LINGO2: variants seen among roughly 807,000 people sequenced by gnomAD.
LINGO2 encodes leucine rich repeat and Ig domain containing 2.
A neutral mutation model predicts 30.6 loss-of-function variants in LINGO2; 14 were observed. The observed-to-expected ratio is 0.46, with a 90% confidence interval of 0.30 to 0.72. The LOEUF is 0.72. LINGO2 is among the 30% of genes least tolerant of loss of function. The probability of loss-of-function intolerance (pLI) is 0.07; values close to 1 mark genes in which losing one functional copy is unlikely to be tolerated. For missense variants in LINGO2, 729 were observed against 751.7 expected (o/e 0.97, Z 0.35); for synonymous variants, 317 against 288.5 (o/e 1.10, Z -1.00).
chr9:29,069,437 A>C, the LINGO2 span, among the ~76,000 whole-genome samples: 1 of 143,530 alleles, frequency 7.0e-6, no homozygotes. Context: ...TATATAATGT[A>C]TCTAGGTCCA....
At chr9:27,979,836 A>G (rs1005375371) in intron 5 of LINGO2, among the ~76,000 whole-genome samples, 1 of 152,002 alleles carries the variant, frequency 6.6e-6, no homozygotes, top group African/African-American at 2.4e-5. Flanking sequence ...CACAGGAAAT[A>G]ATTAGTTCTT....
chr9:28,688,349 G>A, the LINGO2 span, among the ~76,000 whole-genome samples: 163 of 152,320 alleles, frequency 1.1e-3, no homozygotes, highest in Non-Finnish European at 2.0e-3. Flanking sequence ...AAGCTCAGAA[G>A]TTATCAAAAC....
At chr9:28,362,227 T>TGTGCGC (rs1820477186) in intron 3 of LINGO2, among the ~76,000 whole-genome samples, 1 of 152,002 alleles carries the variant, frequency 6.6e-6, no homozygotes, top group Non-Finnish European at 1.5e-5. Context: ...TGTGTGTGTG[T>TGTGCGC]GTGCGCATGC....
chr9:28,991,141 T>C, the LINGO2 span, among the ~76,000 whole-genome samples: 1 of 152,056 alleles, frequency 6.6e-6, no homozygotes, highest in Admixed American at 6.5e-5. Context: ...AATGTATAAC[T>C]AGAATAACCA....
chr9:29,179,787 T>C, the LINGO2 span, among the ~76,000 whole-genome samples: 4 of 152,184 alleles, frequency 2.6e-5, no homozygotes, highest in Non-Finnish European at 5.9e-5. Flanking sequence ...TTGCAGTATA[T>C]TTCCATGGTA....
intron 4 of LINGO2, among the ~76,000 whole-genome samples, chr9:28,159,354 C>G (rs991245137): frequency 1.3e-5 from 2 of 151,970 alleles, no homozygotes; most frequent in African/African-American, 4.8e-5. Context: ...GTAACTAGTT[C>G]TTTGTTTCAA....
At chr9:28,576,637 TA>T (rs1824006436) in intron 1 of LINGO2, among the ~76,000 whole-genome samples, 1 of 152,174 alleles carries the variant, frequency 6.6e-6, no homozygotes, top group Admixed American at 6.6e-5. Context: ...CCATAGTTTT[TA>T]GGATTTTTTT....
the LINGO2 span, among the ~76,000 whole-genome samples, chr9:28,826,679 A>G: frequency 6.6e-6 from 1 of 152,206 alleles, no homozygotes; most frequent in East Asian, 1.9e-4. Flanking sequence ...GTGGCAGGCT[A>G]AATGATAATC....
chr9:29,063,542 A>G, the LINGO2 span, among the ~76,000 whole-genome samples: 1 of 151,724 alleles, frequency 6.6e-6, no homozygotes, highest in South Asian at 2.1e-4. Context: ...GGGATTACAG[A>G]GGTCTGCCAC....
chr9:28,122,026 TTACA>T (rs142961199), intron 4 of LINGO2, among the ~76,000 whole-genome samples: 23,930 of 152,100 alleles, frequency 0.16, 2,107 homozygotes, highest in South Asian at 0.33. Flanking sequence ...ATGAATTGAC[TTACA>T]TGGAAAAATC....
the LINGO2 span, among the ~76,000 whole-genome samples, chr9:28,790,360 G>T: frequency 8.7e-6 from 1 of 115,504 alleles, no homozygotes; most frequent in Non-Finnish European, 1.6e-5. Context: ...ACGGAATCTC[G>T]CTCTGTGGCC....
the LINGO2 span, among the ~76,000 whole-genome samples, chr9:28,679,806 T>C: frequency 0.024 from 3,609 of 152,176 alleles, 138 homozygotes; most frequent in African/African-American, 0.081. Flanking sequence ...TTTATTTATG[T>C]ATTCATTTAT....
chr9:29,175,348 T>C, the LINGO2 span, among the ~76,000 whole-genome samples: 1 of 152,178 alleles, frequency 6.6e-6, no homozygotes, highest in Non-Finnish European at 1.5e-5. Context: ...TTTGTTGATA[T>C]AAAAATATTA....
intron 2 of LINGO2, among the ~76,000 whole-genome samples, chr9:28,447,783 CTT>C (rs1048246803): frequency 9.2e-5 from 14 of 152,238 alleles, no homozygotes; most frequent in South Asian, 8.3e-4. Context: ...TAACACAAAA[CTT>C]TACATTACTT....
chr9:28,694,650 G>T, the LINGO2 span, among the ~76,000 whole-genome samples: 1 of 151,916 alleles, frequency 6.6e-6, no homozygotes, highest in African/African-American at 2.4e-5. Flanking sequence ...GGCACAAGAA[G>T]TTAAATAACT....
intron 1 of LINGO2, chr9:28,598,548 G>A (rs1825314502): frequency 6.6e-6 from 1 of 152,272 alleles, no homozygotes; most frequent in Non-Finnish European, 1.5e-5. Context: ...AAATGAGCCT[G>A]CCAGGAACAC....
chr9:28,716,259 C>A, the LINGO2 span, among the ~76,000 whole-genome samples: 2 of 151,348 alleles, frequency 1.3e-5, no homozygotes, highest in Non-Finnish European at 2.9e-5. Flanking sequence ...AAGTTATTTT[C>A]TTTTTTTAAT....
chr9:28,458,647 G>A (rs1824949595), intron 2 of LINGO2, among the ~76,000 whole-genome samples: 1 of 152,042 alleles, frequency 6.6e-6, no homozygotes, highest in African/African-American at 2.4e-5. Context: ...CATTAGGTGG[G>A]ATCCTTGCTA....
chr9:28,370,016 C>T (rs544650452), intron 3 of LINGO2, among the ~76,000 whole-genome samples: 1 of 152,078 alleles, frequency 6.6e-6, no homozygotes, highest in Non-Finnish European at 1.5e-5. Flanking sequence ...AAATATTAAA[C>T]AGCTCTCACA....
Sources: gnomAD v4.1 joint callset for allele counts (sites outside exome capture counted in the v4.1 genomes callset) on GRCh38, gnomAD v4.1.1 for gene constraint, MANE v1.5 for transcripts, NCBI Gene and HGNC (gene_info 2026-07-23, HGNC 2026-07-21) for gene names.